Variants in SDK1 observed in about 807,000 individuals in gnomAD.
SDK1 encodes the protein sidekick cell adhesion molecule 1, also known as protein sidekick-1.
Under a neutral mutation model 245.5 loss-of-function variants are expected in SDK1, and 157 were observed. That is an observed-to-expected ratio of 0.64 (90% CI 0.56 to 0.73). SDK1 has a LOEUF of 0.73. SDK1 is among the 30% of genes least tolerant of loss of function. The probability of loss-of-function intolerance (pLI) is 0.00; values close to 1 mark genes in which losing one functional copy is unlikely to be tolerated. For synonymous variants in SDK1, 1,647 were observed against 1,278.5 expected, an observed-to-expected ratio of 1.29 and a Z score of -6.15; for missense variants, 3,583 against 3,002.3, an observed-to-expected ratio of 1.19 and a Z score of -4.52.
At chr7:3,411,125 C>A (rs1034443477) in intron 1 of SDK1, among the ~76,000 whole-genome samples, 2 of 152,124 alleles carry the variant, frequency 1.3e-5, no homozygotes, top group African/African-American at 2.4e-5. Flanking sequence ...GGTATTTGAG[C>A]TCCTGCGGAA....
In SDK1 at chr7:4,017,488, C is replaced by T. The variant is rs73673244; in HGVS notation, c.2602+136C>T. 0.02 allele frequency: 13,137 copies of T among 657,942 alleles called. 1,180 individuals are homozygous for T. In the African/African-American group the frequency reaches 0.21, roughly 10 times the overall value. 40.8% of individuals were successfully genotyped at this position (657,942 alleles called of 1,614,324 possible). A position where few individuals can be genotyped will look rare whatever the true frequency, so the allele number is the denominator to read the frequency against. ...GGAGCGTTTACAAGAAAATTCATCACGTATTTAATGGGATCTCTCCAGCTA... is the reference window on the plus strand; with the variant it reads ...GGAGCGTTTACAAGAAAATTCATCATGTATTTAATGGGATCTCTCCAGCTA... On this transcript the variant is annotated intron_variant, in intron 17 of 44. Transcript: ENST00000404826.
Position 4,079,565 on chromosome 7 carries a change from G to A in SDK1, c.3305G>A (p.Arg1102Lys), listed in dbSNP as rs748015214. 1.2e-6 allele frequency: 2 copies of A among 1,614,226 alleles called. No individual in the cohort carries two copies. Among genetic ancestry groups the A allele is most frequent in the South Asian group, 1.1e-5 (1 of 91,084 alleles). The change falls in exon 22 of 45, where the codon AGG becomes AAG. Residue 1102 changes from arginine to lysine, a missense_variant. Transcript: ENST00000404826. ...PGYDGKTSIS[R>K]WIVEGQVGAI... is the part of the protein sequence containing the mutation. ...TATGACGGGAAAACGTCCATCTCCA[G>A]GTGGATTGTTGAGGGGCAGGTACGT...
At chr7:4,170,598 T>C (rs770006987) in intron 32 of SDK1, among the ~76,000 whole-genome samples, 9 of 152,166 alleles carry the variant, frequency 5.9e-5, no homozygotes, top group South Asian at 2.1e-4. Context: ...GGGAGCCAGA[T>C]TGCAGTTGCA....
At chr7:4,245,858 G>A (rs1347514101) in intron 44 of SDK1, 53 bp downstream of exon 44, 3 of 1,605,242 alleles carry the variant, frequency 1.9e-6, no homozygotes, top group Non-Finnish European at 2.6e-6. Context: ...TACTTCTGCA[G>A]TGAGACTTCT....
At chr7:4,030,287 G>T (rs770564195) in intron 17 of SDK1, among the ~76,000 whole-genome samples, 3 of 152,222 alleles carry the variant, frequency 2.0e-5, no homozygotes, top group Non-Finnish European at 2.9e-5. Context: ...TTCAAATAGT[G>T]TGACAGCTAT....
intron 8 of SDK1, among the ~76,000 whole-genome samples, chr7:3,960,928 G>A (rs1315856310): frequency 3.3e-5 from 5 of 152,182 alleles, no homozygotes; most frequent in East Asian, 3.8e-4. Context: ...ACAATACTGC[G>A]GGGGATAAGA....
intron 1 of SDK1, among the ~76,000 whole-genome samples, chr7:3,570,873 C>T (rs1780093142): frequency 6.7e-6 from 1 of 149,752 alleles, no homozygotes; most frequent in South Asian, 2.1e-4. Context: ...TTATTATAAT[C>T]ACAGTTTGCT....
At chr7:3,625,974 C>T (rs1163846915) in intron 2 of SDK1, among the ~76,000 whole-genome samples, 2 of 134,926 alleles carry the variant, frequency 1.5e-5, no homozygotes, top group East Asian at 4.1e-4. Flanking sequence ...GAGAGGGTCT[C>T]ACTCTGTCAC....
chr7:4,165,001 A>G lies in SDK1; in HGVS notation c.4800+3145A>G, dbSNP rs565688573. Reference sequence around the variant, plus strand: ...AAAGAAAAAGAAACTAGGTTTAAATATAGATTTGCATTCCAAATAAAATGT... The same window carrying G: ...AAAGAAAAAGAAACTAGGTTTAAATGTAGATTTGCATTCCAAATAAAATGT... On this transcript the variant is annotated intron_variant, in intron 32 of 44. Transcript: ENST00000404826. Among the ~76,000 whole-genome samples, 59 of 152,338 alleles carry G rather than the reference A, an allele frequency of 3.9e-4. 1 individual carries two copies. In the South Asian group the frequency reaches 5.4e-3, roughly 14 times the overall value.
chr7:3,975,599 C>T (rs1282110224), intron 13 of SDK1, among the ~76,000 whole-genome samples: 1 of 152,216 alleles, frequency 6.6e-6, no homozygotes, highest in Non-Finnish European at 1.5e-5. Context: ...CATGTGGCTT[C>T]TGTGTCTGCC....
At chr7:3,472,804 G>T (rs562547583) in intron 1 of SDK1, among the ~76,000 whole-genome samples, 1 of 152,296 alleles carries the variant, frequency 6.6e-6, no homozygotes, top group East Asian at 1.9e-4. Flanking sequence ...AGAACATAGG[G>T]TAACAGCAAG....
At chr7:3,592,317 C>T (rs1474944887) in intron 1 of SDK1, among the ~76,000 whole-genome samples, 1 of 152,170 alleles carries the variant, frequency 6.6e-6, no homozygotes, top group African/African-American at 2.4e-5. Flanking sequence ...CCCCTCTCCC[C>T]CACCTTACAT....
Position 3,827,439 on chromosome 7 carries a change from A to G in SDK1, c.847+5856A>G, listed in dbSNP as rs73672191. 5.4e-3 allele frequency among the ~76,000 whole-genome samples: 817 copies of G among 152,312 alleles called. 5 individuals carry two copies. The highest frequency in any genetic ancestry group is 0.019 in the African/African-American group (793 of 41,558). On this transcript the variant is annotated intron_variant, in intron 5 of 44. Coordinates refer to ENST00000404826, the MANE Select transcript of SDK1 (RefSeq NM_152744.4). ...CATGGGCAATTATCTGAGGGTGTAA[A>G]TGCCCAGGTGCCAACCAAAGGGAGA...
chr7:3,533,708 C>A (rs1053786128), intron 1 of SDK1, among the ~76,000 whole-genome samples: 1 of 152,036 alleles, frequency 6.6e-6, no homozygotes, highest in Non-Finnish European at 1.5e-5. Flanking sequence ...TTGCTAGTTT[C>A]CTGTTGAATT....
At chr7:3,719,759 A>T (rs1439411081) in intron 4 of SDK1, among the ~76,000 whole-genome samples, 1 of 152,040 alleles carries the variant, frequency 6.6e-6, no homozygotes, top group Non-Finnish European at 1.5e-5. Flanking sequence ...TGGGTGGATC[A>T]TGAGGTGAAG....
At chr7:3,512,146 C>T (rs1258617824) in intron 1 of SDK1, among the ~76,000 whole-genome samples, 4 of 151,972 alleles carry the variant, frequency 2.6e-5, no homozygotes, top group Admixed American at 6.6e-5. Flanking sequence ...CCCTGGCAAC[C>T]ACACGTCTTT....
rs770272131 is a variant in SDK1, at chr7:4,011,067, G to A, written c.2233G>A (p.Ala745Thr). 1.9e-6 allele frequency: 3 copies of A among 1,614,022 alleles called. No individual in the cohort carries two copies. The highest frequency in any genetic ancestry group is 1.3e-5 in the African/African-American group (1 of 74,934). Reference protein sequence around the residue: ...PARTYQFRVCAVNEVGRGQYS... With the variant: ...PARTYQFRVCTVNEVGRGQYS... ...TCGTACCTATCAATTCCGGGTGTGC[G>A]CGGTGAATGAAGTGGGCAGGGGCCA... The change falls in exon 15 of 45, where the codon GCG (alanine) becomes ACG (threonine). Residue 745 changes from alanine to threonine, a missense_variant. Transcript: ENST00000404826.
intron 20 of SDK1, among the ~76,000 whole-genome samples, chr7:4,071,714 T>G (rs1780268367): frequency 2.0e-5 from 3 of 152,196 alleles, no homozygotes; most frequent in African/African-American, 7.2e-5. Flanking sequence ...ACTTTCCAGT[T>G]CAGACCCTTC....
chr7:3,788,728 C>T (rs1780988046), intron 4 of SDK1, among the ~76,000 whole-genome samples: 1 of 152,190 alleles, frequency 6.6e-6, no homozygotes, highest in Admixed American at 6.5e-5. Context: ...GTGTTCAAAG[C>T]AGTCCGCGGG....
Sources: gnomAD v4.1 joint callset for allele counts (sites outside exome capture counted in the v4.1 genomes callset) on GRCh38, gnomAD v4.1.1 for gene constraint, MANE v1.5 for transcripts, NCBI Gene and HGNC (gene_info 2026-07-23, HGNC 2026-07-21) for gene names.